ADAMTS6: variants seen among roughly 807,000 people sequenced by gnomAD.
ADAMTS6 encodes ADAM metallopeptidase with thrombospondin type 1 motif 6.
Under a neutral mutation model 144.3 loss-of-function variants are expected in ADAMTS6, and 23 were observed. The observed-to-expected ratio is 0.16, with a 90% confidence interval of 0.11 to 0.23. The LOEUF is 0.23. Ranked by LOEUF, ADAMTS6 falls within the 10% of genes least tolerant of loss-of-function variation. The probability of loss-of-function intolerance (pLI) is 1.00; values close to 1 mark genes in which losing one functional copy is unlikely to be tolerated. For synonymous variants in ADAMTS6, 444 were observed against 457.5 expected (o/e 0.97, Z 0.38); for missense variants, 999 against 1,379.6 (o/e 0.72, Z 4.37).
chr5:65,176,643 A>C (rs897468457), intron 22 of ADAMTS6, among the ~76,000 whole-genome samples: 10 of 152,242 alleles, frequency 6.6e-5, no homozygotes, highest in Non-Finnish European at 1.5e-4. Context: ...CAAAGATTAT[A>C]AAAGGTTAAA....
intron 7 of ADAMTS6, among the ~76,000 whole-genome samples, chr5:65,397,171 T>C (rs867374804): frequency 6.6e-6 from 1 of 152,200 alleles, no homozygotes. Flanking sequence ...GTTCACAGGA[T>C]CTGTGGATGT....
At chr5:65,365,085 A>C (rs1750184705) in intron 7 of ADAMTS6, among the ~76,000 whole-genome samples, 1 of 152,186 alleles carries the variant, frequency 6.6e-6, no homozygotes. Flanking sequence ...GATCATCCAC[A>C]GTAAACAGTA....
chr5:65,383,627 T>C (rs1294700354), intron 7 of ADAMTS6, among the ~76,000 whole-genome samples: 2 of 152,124 alleles, frequency 1.3e-5, no homozygotes, highest in African/African-American at 2.4e-5. Flanking sequence ...TCTCACCAAT[T>C]GTAGTCATGT....
rs763270540 is a variant in ADAMTS6, at chr5:65,175,396, A to AG, written c.2911-2389dup. On this transcript the variant is annotated intron_variant, in intron 22 of 24. Coordinates refer to ENST00000381055, the MANE Select transcript of ADAMTS6 (RefSeq NM_197941.4). ...AAAGAGAGAAATATACCAGAAGTTA[A>AG]GGAAAAAAAAACAGTGTACCCTATT... is the stretch of plus-strand genomic sequence containing the variant. Among the ~76,000 whole-genome samples, 226 of 95,734 alleles carry AG rather than the reference A, an allele frequency of 2.4e-3. 1 individual carries two copies. Among genetic ancestry groups the AG allele is most frequent in the Non-Finnish European group, 2.6e-3 (103 of 38,984 alleles). 62.8% of individuals were successfully genotyped at this position (95,734 alleles called of 152,430 possible). A position where few individuals can be genotyped will look rare whatever the true frequency, so the allele number is the denominator to read the frequency against.
At chr5:65,403,232 T>C (rs1369848546) in intron 7 of ADAMTS6, among the ~76,000 whole-genome samples, 1 of 152,150 alleles carries the variant, frequency 6.6e-6, no homozygotes, top group Non-Finnish European at 1.5e-5. Context: ...TTTCTTGATT[T>C]TCCCTCTTCT....
chr5:65,187,881 A>G, intron 22 of ADAMTS6, 135 bp downstream of exon 22: 2 of 846,782 alleles, frequency 2.4e-6, no homozygotes, highest in South Asian at 4.1e-5. Flanking sequence ...GCAGCAATAA[A>G]ATATAACATG....
At chr5:65,378,337 C>T (rs1342088392) in intron 7 of ADAMTS6, among the ~76,000 whole-genome samples, 1 of 152,120 alleles carries the variant, frequency 6.6e-6, no homozygotes, top group Non-Finnish European at 1.5e-5. Context: ...CTATCTTCTC[C>T]CAATATCCAA....
chr5:65,375,418 AAAAC>A (rs1347586419), intron 7 of ADAMTS6, among the ~76,000 whole-genome samples: 4 of 151,764 alleles, frequency 2.6e-5, no homozygotes, highest in African/African-American at 7.3e-5. Context: ...TTACAAGAAA[AAAAC>A]AAACAACCCC....
intron 14 of ADAMTS6, among the ~76,000 whole-genome samples, chr5:65,247,921 A>G (rs1317827352): frequency 6.6e-6 from 1 of 152,168 alleles, no homozygotes; most frequent in African/African-American, 2.4e-5. Context: ...ACAGGAAAAC[A>G]ACATATTCTT....
At chr5:65,435,993 T>C (rs1266596925) in intron 7 of ADAMTS6, among the ~76,000 whole-genome samples, 1 of 152,144 alleles carries the variant, frequency 6.6e-6, no homozygotes, top group Non-Finnish European at 1.5e-5. Context: ...GTCAAATAAA[T>C]GGTGATGGTA....
chr5:65,448,769 A>G (rs1758489258), intron 7 of ADAMTS6, among the ~76,000 whole-genome samples: 2 of 151,998 alleles, frequency 1.3e-5, no homozygotes, highest in African/African-American at 4.8e-5. Flanking sequence ...TTCTTGATAA[A>G]CACATTATAC....
chr5:65,239,585 T>C (rs1322806616), intron 15 of ADAMTS6, among the ~76,000 whole-genome samples: 8 of 152,084 alleles, frequency 5.3e-5, no homozygotes, highest in East Asian at 3.8e-4. Context: ...TAAAAGCTTA[T>C]ATGGATAAAA....
chr5:65,215,538 A>G lies in ADAMTS6; in HGVS notation c.2273-51T>C, dbSNP rs1366528817. ...AAAAATGTGAAATTTCATTTACCAA[A>G]GTGTCACTGATTAATTACTGCAATA... On this transcript the variant is annotated intron_variant, in intron 18 of 24. Coordinates refer to ENST00000381055, the MANE Select transcript of ADAMTS6 (RefSeq NM_197941.4). 5.9e-6 allele frequency: 9 copies of G among 1,519,454 alleles called. No homozygotes were observed. The South Asian group carries it at 1.1e-4, about 19-fold the overall frequency. The allele number at this position is 1,519,454 out of a possible 1,614,324, so 94.1% of individuals were successfully genotyped here. A position where few individuals can be genotyped will look rare whatever the true frequency, so the allele number is the denominator to read the frequency against.
intron 7 of ADAMTS6, among the ~76,000 whole-genome samples, chr5:65,421,646 G>A (rs1756051418): frequency 6.6e-6 from 1 of 152,154 alleles, no homozygotes; most frequent in African/African-American, 2.4e-5. Context: ...TAGATATGTA[G>A]ACCAATGGAA....
At chr5:65,309,572 T>C (rs909641547) in intron 9 of ADAMTS6, among the ~76,000 whole-genome samples, 1 of 148,702 alleles carries the variant, frequency 6.7e-6, no homozygotes, top group Non-Finnish European at 1.5e-5. Context: ...CAGGCCATGG[T>C]TGGGGACCCC....
chr5:65,261,893 A>T (rs76660068), intron 13 of ADAMTS6, among the ~76,000 whole-genome samples: 2,165 of 152,230 alleles, frequency 0.014, 53 homozygotes, highest in African/African-American at 0.049. Context: ...ATCCTGAGTT[A>T]AAAATGGAGA....
chr5:65,228,546 C>T (rs1757897203), intron 15 of ADAMTS6, among the ~76,000 whole-genome samples: 1 of 151,984 alleles, frequency 6.6e-6, no homozygotes, highest in African/African-American at 2.4e-5. Flanking sequence ...ACAAGTGTAC[C>T]TTTATGGGAC....
chr5:65,456,027 T>C (rs1759164572), intron 4 of ADAMTS6, among the ~76,000 whole-genome samples: 1 of 151,070 alleles, frequency 6.6e-6, no homozygotes. Context: ...TATAATTATA[T>C]ATTCAATATT....
intron 7 of ADAMTS6, among the ~76,000 whole-genome samples, chr5:65,428,245 A>G (rs1756719161): frequency 6.6e-6 from 1 of 151,792 alleles, no homozygotes; most frequent in Non-Finnish European, 1.5e-5. Flanking sequence ...AAAAAAAAAA[A>G]AAGTTAAAGA....
Sources: gnomAD v4.1 joint callset for allele counts (sites outside exome capture counted in the v4.1 genomes callset) on GRCh38, gnomAD v4.1.1 for gene constraint, MANE v1.5 for transcripts, NCBI Gene and HGNC (gene_info 2026-07-23, HGNC 2026-07-21) for gene names.